KCMF1: variants seen among roughly 807,000 people sequenced by gnomAD.
KCMF1 encodes the protein E3 ubiquitin-protein ligase KCMF1.
A neutral mutation model predicts 41.1 loss-of-function variants in KCMF1; 3 were observed. The observed-to-expected ratio is 0.07, with a 90% CI of 0.03 to 0.19. KCMF1 has a LOEUF of 0.19. KCMF1 is among the 10% of genes least tolerant of loss of function. KCMF1 has a pLI of 1.00. For missense variants in KCMF1, 286 were observed against 488.9 expected (o/e 0.58, Z 3.91); for synonymous variants, 142 against 164.5 (o/e 0.86, Z 1.04).
chr2:84,971,493 G>A, intron 1 of KCMF1, 26 bp downstream of exon 1: 6 of 1,206,232 alleles, frequency 5.0e-6, no homozygotes, highest in Non-Finnish European at 5.3e-6. Context: ...GCCCCCACCC[G>A]CACCTCCCGG....
chr2:85,000,010 T>C (rs1368134505), intron 1 of KCMF1, among the ~76,000 whole-genome samples: 1 of 150,852 alleles, frequency 6.6e-6, no homozygotes, highest in Non-Finnish European at 1.5e-5. Flanking sequence ...AGATGTGTGG[T>C]AGACTTCAGG....
intron 1 of KCMF1, among the ~76,000 whole-genome samples, chr2:85,024,266 A>G (rs1040903954): frequency 6.6e-6 from 1 of 152,160 alleles, no homozygotes; most frequent in African/African-American, 2.4e-5. Flanking sequence ...GATCACCCGG[A>G]GTTCGAGACC....
At chr2:84,990,613 A>C (rs1674019255) in intron 1 of KCMF1, among the ~76,000 whole-genome samples, 1 of 152,034 alleles carries the variant, frequency 6.6e-6, no homozygotes, top group African/African-American at 2.4e-5. Context: ...GTTTGAGACC[A>C]GCCTGGGCAA....
intron 1 of KCMF1, among the ~76,000 whole-genome samples, chr2:84,995,890 A>G (rs147974483): frequency 2.2e-4 from 34 of 152,360 alleles, no homozygotes; most frequent in African/African-American, 7.5e-4. Context: ...GCCTTTCAAG[A>G]TACAGATGCT....
At chr2:85,042,309 G>C (rs1675559037) in intron 3 of KCMF1, among the ~76,000 whole-genome samples, 1 of 152,168 alleles carries the variant, frequency 6.6e-6, no homozygotes, top group Admixed American at 6.5e-5. Context: ...CTAGTTGTTA[G>C]AAGATGGAAA....
chr2:85,016,692 T>C (rs1674776318), intron 1 of KCMF1, among the ~76,000 whole-genome samples: 1 of 151,518 alleles, frequency 6.6e-6, no homozygotes, highest in Non-Finnish European at 1.5e-5. Context: ...TACTATAGTT[T>C]ATCTTTTTTT....
chr2:84,984,790 A>T (rs903526960), intron 1 of KCMF1, among the ~76,000 whole-genome samples: 1 of 152,208 alleles, frequency 6.6e-6, no homozygotes, highest in East Asian at 1.9e-4. Context: ...ATTGCACTCC[A>T]GTCCAGCCTG....
chr2:85,030,283 T>C (rs1220707772), intron 2 of KCMF1, among the ~76,000 whole-genome samples: 2 of 152,314 alleles, frequency 1.3e-5, no homozygotes, highest in East Asian at 3.9e-4. Flanking sequence ...TCCCATTCTG[T>C]GGGTTGTGTT....
Position 84,981,989 on chromosome 2 carries a change from T to C in KCMF1, c.16+10522T>C, listed in dbSNP as rs1349750717. 4.6e-5 allele frequency among the ~76,000 whole-genome samples: 7 copies of C among 152,112 alleles called. No individual in the cohort carries two copies. In the East Asian group the frequency reaches 1.4e-3, roughly 29 times the overall value. On this transcript the variant is annotated intron_variant, in intron 1 of 6. Transcript: ENST00000409785. ...GTAGAGACAGAGTTTCACCATGTTA[T>C]CCAGGCTGGTCTCGAACCTCTGACC...
chr2:84,981,242 C>G (rs185933212), intron 1 of KCMF1, among the ~76,000 whole-genome samples: 2 of 150,282 alleles, frequency 1.3e-5, no homozygotes, highest in African/African-American at 4.9e-5. Flanking sequence ...CAGGCTGGAG[C>G]GCAGTGGTGC....
intron 1 of KCMF1, among the ~76,000 whole-genome samples, chr2:85,011,018 A>G (rs1674638474): frequency 6.6e-6 from 1 of 151,846 alleles, no homozygotes; most frequent in Non-Finnish European, 1.5e-5. Context: ...CAATTTTTAT[A>G]TTTTTAGTAG....
chr2:84,981,788 TG>T (rs1673762609), intron 1 of KCMF1, among the ~76,000 whole-genome samples: 1 of 152,150 alleles, frequency 6.6e-6, no homozygotes. Flanking sequence ...TTTGTTTGTT[TG>T]TTTTTTTGAG....
rs544118519 is a variant in KCMF1 at position 84,984,662 on chromosome 2, A to C, written c.16+13195A>C. On this transcript the variant is annotated intron_variant, in intron 1 of 6. Coordinates refer to ENST00000409785, the MANE Select transcript of KCMF1 (RefSeq NM_020122.5). The stretch of plus-strand genomic sequence containing the variant: ...ATGAAGAAACCCCGTCACTACTAAA[A>C]ATACAAAATAACCTGGGTGTGGTGG... Among the ~76,000 whole-genome samples the C allele has an allele frequency of 3.3e-5, 5 of 152,132 alleles. No homozygotes were observed. In the South Asian group the frequency reaches 1.0e-3, roughly 32 times the overall value.
chr2:85,020,909 C>T (rs986482873), intron 1 of KCMF1, among the ~76,000 whole-genome samples: 3 of 152,042 alleles, frequency 2.0e-5, no homozygotes, highest in Non-Finnish European at 2.9e-5. Context: ...TTTGCTCTGT[C>T]TCCAGGCTGG....
chr2:85,041,783 TA>T (rs974925092), intron 3 of KCMF1, among the ~76,000 whole-genome samples: 19 of 141,852 alleles, frequency 1.3e-4, no homozygotes, highest in Middle Eastern at 3.6e-3. Context: ...TTTTTTTTTT[TA>T]AAAAAAGCAA....
chr2:84,972,967 C>A (rs1044598170), intron 1 of KCMF1, among the ~76,000 whole-genome samples: 2 of 152,168 alleles, frequency 1.3e-5, no homozygotes, highest in Non-Finnish European at 2.9e-5. Flanking sequence ...TTCCCCACTT[C>A]GTCTGCTTAA....
intron 1 of KCMF1, among the ~76,000 whole-genome samples, chr2:85,025,639 C>A (rs546782527): frequency 2.0e-5 from 3 of 152,052 alleles, no homozygotes; most frequent in Non-Finnish European, 2.9e-5. Context: ...ATAGGAGTCC[C>A]GCTCTGTCAC....
rs1483321728 is a variant in KCMF1, at chr2:85,053,313, G to A, written c.1050G>A (p.Met350Ile). ...GGGAGATGGCAGATTTTGGTGCTAT[G>A]GGCTGTGTAGATATTATGCCTTTAG... ...DRGEMADFGA[M>I]GCVDIMPLDV... Residue 350 changes from methionine to isoleucine, a missense_variant, in exon 7 of 7, where the codon ATG becomes ATA. Met to Ile is a conservative substitution (Grantham distance 10, BLOSUM62 1). Around this residue, in one of 2 missense-constraint regions of KCMF1, gnomAD observed 191 missense variants for 279.3 expected, o/e 0.68. Transcript: ENST00000409785. 1 of 1,613,734 alleles carries A rather than the reference G, an allele frequency of 6.2e-7. No individual in the cohort carries two copies. Among genetic ancestry groups the A allele is most frequent in the Non-Finnish European group, 8.5e-7 (1 of 1,179,852 alleles).
rs1179534523 is a variant in KCMF1 at position 84,998,914 on chromosome 2, TTACCTATCTATCTATC to T, written c.16+27450_16+27465del. Among the ~76,000 whole-genome samples the T allele has an allele frequency of 2.5e-4, 37 of 145,316 alleles. 1 individual carries two copies. Among genetic ancestry groups the T allele is most frequent in the African/African-American group, 6.3e-4 (24 of 38,306 alleles). On this transcript the variant is annotated intron_variant, in intron 1 of 6. Coordinates refer to ENST00000409785, the MANE Select transcript of KCMF1 (RefSeq NM_020122.5). ...GCTATGACCCACTGTGCTGGGCCTC[TTACCTATCTATCTATC>T]TATCTATCTATCTATCTATCTATCT...
Sources: allele counts gnomAD v4.1 joint callset (sites outside exome capture counted in the v4.1 genomes callset), GRCh38; gene constraint gnomAD v4.1.1; regional missense constraint gnomAD v4.1.1; transcripts MANE v1.5; gene names NCBI Gene and HGNC (gene_info 2026-07-23, HGNC 2026-07-21).